The following RASGRP3 variants were observed in gnomAD, a reference collection of about 807,000 sequenced individuals.
The protein encoded by RASGRP3 is RAS guanyl releasing protein 3.
RASGRP3 carries 54 observed loss-of-function variants against 82.7 expected under a neutral mutation model. The ratio of observed to expected loss-of-function variants is 0.65; its 90% CI spans 0.52 to 0.82. The LOEUF (loss-of-function observed/expected upper bound fraction) is 0.82, where lower values mean the gene tolerates loss of function less well. Ranked by LOEUF, RASGRP3 falls within the 40% of genes least tolerant of loss-of-function variation. The probability of loss-of-function intolerance (pLI) is 0.00; values close to 1 mark genes in which losing one functional copy is unlikely to be tolerated. For missense variants in RASGRP3, 861 were observed against 828.9 expected, an observed-to-expected ratio of 1.04 and a Z score of -0.48; for synonymous variants, 309 against 300.5, an observed-to-expected ratio of 1.03 and a Z score of -0.29.
At chr2:33,511,390 T>C (rs1026512433) in intron 1 of RASGRP3, among the ~76,000 whole-genome samples, 26 of 152,212 alleles carry the variant, frequency 1.7e-4, no homozygotes, top group African/African-American at 6.3e-4. Flanking sequence ...AAGTCAATGT[T>C]TGGAAATTCT....
chr2:33,519,878 T>C (rs1464036935), intron 4 of RASGRP3, 74 bp from the exon 5 acceptor site: 2 of 1,021,572 alleles, frequency 2.0e-6, no homozygotes, highest in Non-Finnish European at 3.0e-6. Context: ...GGAATTGGTA[T>C]ACATTGAGGG....
intron 2 of RASGRP3, among the ~76,000 whole-genome samples, chr2:33,468,979 G>C (rs1006804563): frequency 6.6e-6 from 1 of 152,084 alleles, no homozygotes; most frequent in Non-Finnish European, 1.5e-5. Context: ...CTTTCTGGTA[G>C]AGTATGAAGG....
intron 1 of RASGRP3, among the ~76,000 whole-genome samples, chr2:33,485,857 A>C (rs1358276571): frequency 6.6e-6 from 1 of 152,242 alleles, no homozygotes; most frequent in East Asian, 1.9e-4. Context: ...GTAAGAATTG[A>C]AGGTTTGTCT....
At chr2:33,473,942 ACT>A (rs892469599), upstream of RASGRP3, among the ~76,000 whole-genome samples, 1 of 152,012 alleles carries the variant, frequency 6.6e-6, no homozygotes, top group African/African-American at 2.4e-5. Flanking sequence ...CAGGCATTAG[ACT>A]CTCATAAGGA....
At chr2:33,548,820 C>A (rs1320332679) in intron 13 of RASGRP3, among the ~76,000 whole-genome samples, 1 of 151,956 alleles carries the variant, frequency 6.6e-6, no homozygotes, top group Admixed American at 6.6e-5. Context: ...TCCTGAGTAG[C>A]TGGGATTATA....
At chr2:33,444,347 C>A (rs1177087128) in intron 1 of RASGRP3, among the ~76,000 whole-genome samples, 2 of 152,124 alleles carry the variant, frequency 1.3e-5, no homozygotes, top group African/African-American at 4.8e-5. Context: ...CCAAATATAT[C>A]CAAGATAACA....
rs1192863006 is a variant in RASGRP3, at chr2:33,563,832, A to T, written c.*1095A>T. 2 of 152,206 alleles carry T rather than the reference A, an allele frequency of 1.3e-5. No individual in the cohort carries two copies. Among genetic ancestry groups the T allele is most frequent in the African/African-American group, 4.8e-5 (2 of 41,460 alleles). 9.4% of individuals were successfully genotyped at this position (152,206 alleles called of 1,614,324 possible). On this transcript the variant is annotated 3_prime_UTR_variant, in exon 18 of 18. Coordinates refer to ENST00000403687, the MANE Select transcript of RASGRP3 (RefSeq NM_001139488.2). ...ATTTCATTTAAGCTTTTAAAATATC[A>T]ATTTTTTAAATAGCTCCCATTTACC...
rs1558488456 is a variant in RASGRP3 at position 33,527,289 on chromosome 2, A to G, written c.960A>G (p.Thr320=). 1 of 1,614,026 alleles carries G rather than the reference A, an allele frequency of 6.2e-7. No individual in the cohort carries two copies. The highest frequency in any genetic ancestry group is 1.1e-5 in the South Asian group (1 of 91,086). ...TCCATGTCATTTTCCCAGACTGGAC[A>G]GAGGAGAACAAAGTGAACATTGTGA... is the stretch of plus-strand genomic sequence containing the variant. The part of the protein sequence containing the change: ...IAVHVIFPDW[T]EENKVNIVKM... Residue 320 remains threonine (T), a synonymous_variant, in exon 10 of 18, where the codon ACA becomes ACG. Coordinates refer to ENST00000403687, the MANE Select transcript of RASGRP3 (RefSeq NM_001139488.2).
intron 10 of RASGRP3, chr2:33,532,632 AG>A (rs1673211182): frequency 6.6e-6 from 1 of 152,196 alleles, no homozygotes; most frequent in East Asian, 1.9e-4. Context: ...ATTACTGTTC[AG>A]GGGAAGGTGA....
chr2:33,505,880 G>A (rs909461095), intron 1 of RASGRP3, among the ~76,000 whole-genome samples: 11 of 152,134 alleles, frequency 7.2e-5, no homozygotes, highest in African/African-American at 1.2e-4. Flanking sequence ...CCAAATGCTA[G>A]GAGAATACCC....
At chr2:33,550,064 T>C (rs1675216480) in intron 14 of RASGRP3, among the ~76,000 whole-genome samples, 1 of 152,220 alleles carries the variant, frequency 6.6e-6, no homozygotes, top group African/African-American at 2.4e-5. Context: ...TCATAAGTGG[T>C]TGCAATTAAG....
At chr2:33,547,773 C>T (rs1445567638) in intron 13 of RASGRP3, among the ~76,000 whole-genome samples, 1 of 152,076 alleles carries the variant, frequency 6.6e-6, no homozygotes, top group Non-Finnish European at 1.5e-5. Flanking sequence ...AGGGACTCGC[C>T]TCCTACATGC....
intron 14 of RASGRP3, among the ~76,000 whole-genome samples, chr2:33,552,070 T>C (rs887087829): frequency 6.6e-6 from 1 of 152,226 alleles, no homozygotes; most frequent in African/African-American, 2.4e-5. Flanking sequence ...CTAGTCCTTC[T>C]GTCCTGCCCC....
chr2:33,443,743 T>C (rs918645008), intron 1 of RASGRP3, among the ~76,000 whole-genome samples: 1 of 145,996 alleles, frequency 6.8e-6, no homozygotes, highest in Admixed American at 7.0e-5. Flanking sequence ...TAGCTGGGCA[T>C]GGTGGTACGT....
intron 1 of RASGRP3, among the ~76,000 whole-genome samples, chr2:33,440,591 G>A (rs1247609231): frequency 2.6e-5 from 4 of 152,126 alleles, no homozygotes; most frequent in Non-Finnish European, 5.9e-5. Context: ...TAACTTTGAT[G>A]GCCCTCGTAG....
At chr2:33,479,967 A>G (rs1021665455) in intron 1 of RASGRP3, among the ~76,000 whole-genome samples, 8 of 151,990 alleles carry the variant, frequency 5.3e-5, no homozygotes, top group African/African-American at 1.9e-4. Context: ...TGAGGAAGTT[A>G]TCAGTGTTTC....
intron 8 of RASGRP3, 136 bp downstream of exon 8, chr2:33,524,188 A>G: frequency 1.8e-6 from 2 of 1,121,094 alleles, no homozygotes; most frequent in Admixed American, 2.3e-5. Context: ...TCTAATGAAC[A>G]AATCGTATTT....
chr2:33,455,480 G>A (rs1212719126), intron 2 of RASGRP3, among the ~76,000 whole-genome samples: 1 of 152,220 alleles, frequency 6.6e-6, no homozygotes, highest in Non-Finnish European at 1.5e-5. Flanking sequence ...AATGATATCT[G>A]GAGAGATGCT....
Position 33,563,591 on chromosome 2 carries a change from T to G in RASGRP3, c.*854T>G, listed in dbSNP as rs1405268577. The G allele has an allele frequency of 7.7e-6, 1 of 129,696 alleles. No individual in the cohort carries two copies. The highest frequency in any genetic ancestry group is 1.8e-5 in the Non-Finnish European group (1 of 54,912). The allele number at this position is 129,696 out of a possible 1,614,324, so 8.0% of individuals were successfully genotyped here. On this transcript the variant is annotated 3_prime_UTR_variant, in exon 18 of 18. Coordinates refer to ENST00000403687, the MANE Select transcript of RASGRP3 (RefSeq NM_001139488.2). ...AAGAAATTAATTCAAGTTTTGACGG[T>G]TAACATTTAGCAGAAAAACAAACCA...
Sources: gnomAD v4.1 joint callset for allele counts (sites outside exome capture counted in the v4.1 genomes callset) on GRCh38, gnomAD v4.1.1 for gene constraint, MANE v1.5 for transcripts, NCBI Gene and HGNC (gene_info 2026-07-23, HGNC 2026-07-21) for gene names.